PDZRN3: variants seen among roughly 807,000 people sequenced by gnomAD.
PDZRN3 encodes PDZ domain containing ring finger 3, also known as E3 ubiquitin-protein ligase PDZRN3.
PDZRN3 carries 38 observed loss-of-function variants against 85.7 expected under a neutral mutation model. The ratio of observed to expected loss-of-function variants is 0.44; its 90% CI spans 0.34 to 0.58. PDZRN3 has a LOEUF of 0.58. Among genes scored for constraint, PDZRN3 ranks in the 20% least tolerant of loss-of-function variants. PDZRN3 has a pLI of 0.01. For synonymous variants in PDZRN3, 759 were observed against 638.0 expected (o/e 1.19, Z -2.86); for missense variants, 1,629 against 1,506.4 (o/e 1.08, Z -1.35).
chr3:73,597,863 G>C (rs1342782122), intron 3 of PDZRN3, among the ~76,000 whole-genome samples: 1 of 151,760 alleles, frequency 6.6e-6, no homozygotes, highest in East Asian at 1.9e-4. Context: ...TGAGCATTTT[G>C]TCAAATGAGG....
At chr3:73,554,331 T>G (rs1002544884) in intron 3 of PDZRN3, among the ~76,000 whole-genome samples, 1 of 146,244 alleles carries the variant, frequency 6.8e-6, no homozygotes, top group African/African-American at 2.6e-5. Flanking sequence ...TATAAGAATA[T>G]CTCACAGGAT....
intron 3 of PDZRN3, among the ~76,000 whole-genome samples, chr3:73,471,508 A>G (rs559839899): frequency 6.6e-6 from 1 of 152,340 alleles, no homozygotes; most frequent in East Asian, 1.9e-4. Flanking sequence ...ATGACTGTAA[A>G]GCAAACCAAG....
intron 4 of PDZRN3, among the ~76,000 whole-genome samples, chr3:73,401,304 C>T (rs1184281532): frequency 1.3e-5 from 2 of 152,172 alleles, no homozygotes; most frequent in Non-Finnish European, 2.9e-5. Flanking sequence ...TTCAGCGTGA[C>T]TGATTTCTAA....
At chr3:73,458,598 T>C (rs951648136) in intron 3 of PDZRN3, among the ~76,000 whole-genome samples, 3 of 149,634 alleles carry the variant, frequency 2.0e-5, no homozygotes, top group Admixed American at 6.8e-5. Flanking sequence ...ATCTCTTAGA[T>C]CTCAAAGCTT....
rs560663305 is a variant in PDZRN3, at chr3:73,448,720, C to T, written c.919-44325G>A. Among the ~76,000 whole-genome samples, 51 of 152,212 alleles carry T rather than the reference C, an allele frequency of 3.4e-4. No homozygotes were observed. In the South Asian group the frequency reaches 0.01, roughly 30 times the overall value. ...ACAGAATTGTTCAGACATTGGGGTG[C>T]ATTTAGCTACTAGGGTGGGCAAGAA... is the stretch of plus-strand genomic sequence containing the variant. On this transcript the variant is annotated intron_variant, in intron 3 of 9. Coordinates refer to ENST00000263666, the MANE Select transcript of PDZRN3 (RefSeq NM_015009.3).
intron 3 of PDZRN3, among the ~76,000 whole-genome samples, chr3:73,513,774 A>G (rs74867783): frequency 0.019 from 2,863 of 152,298 alleles, 99 homozygotes; most frequent in African/African-American, 0.065. Flanking sequence ...CCACAGTTGA[A>G]TGGTAATTGG....
intron 3 of PDZRN3, among the ~76,000 whole-genome samples, chr3:73,598,511 A>T (rs1296247316): frequency 6.6e-6 from 1 of 152,192 alleles, no homozygotes; most frequent in Non-Finnish European, 1.5e-5. Flanking sequence ...ATACTGAGTA[A>T]GTCAGAACTT....
In PDZRN3 at chr3:73,624,906, T is replaced by C. The variant is rs768007894; in HGVS notation, c.-81A>G. The stretch of plus-strand genomic sequence containing the variant: ...CACGAGGCGGCCCAGACAGGCCGGC[T>C]ACGCCGCCCGCGCGCTCGCTGGCTC... On this transcript the variant is annotated 5_prime_UTR_variant, in exon 1 of 10. Coordinates refer to ENST00000263666, the MANE Select transcript of PDZRN3 (RefSeq NM_015009.3). The C allele has an allele frequency of 3.0e-4, 331 of 1,106,608 alleles. No homozygotes were observed. Among genetic ancestry groups the C allele is most frequent in the Non-Finnish European group, 3.5e-4 (308 of 872,928 alleles). The allele number at this position is 1,106,608 out of a possible 1,614,324, so 68.5% of individuals were successfully genotyped here.
At chr3:73,436,710 G>T (rs1161307324) in intron 3 of PDZRN3, among the ~76,000 whole-genome samples, 7 of 152,126 alleles carry the variant, frequency 4.6e-5, no homozygotes, top group Admixed American at 4.6e-4. Flanking sequence ...CCGAGCAGTG[G>T]TTCTCTAACA....
chr3:73,546,436 C>T (rs1010416391), intron 3 of PDZRN3, among the ~76,000 whole-genome samples: 1 of 152,158 alleles, frequency 6.6e-6, no homozygotes, highest in Non-Finnish European at 1.5e-5. Flanking sequence ...AGCTGTCTGT[C>T]CTTAGATCAT....
At chr3:73,508,845 C>CATACAAA (rs1368952653) in intron 3 of PDZRN3, among the ~76,000 whole-genome samples, 5 of 152,130 alleles carry the variant, frequency 3.3e-5, no homozygotes, top group African/African-American at 1.2e-4. Flanking sequence ...TAGCCATAAC[C>CATACAAA]AAGGCCCTCT....
chr3:73,425,801 GTTGT>G (rs1277919990), intron 3 of PDZRN3, among the ~76,000 whole-genome samples: 2 of 152,134 alleles, frequency 1.3e-5, no homozygotes, highest in African/African-American at 4.8e-5. Context: ...GACCAATGAT[GTTGT>G]TTAATTGACA....
intron 3 of PDZRN3, among the ~76,000 whole-genome samples, chr3:73,566,544 G>A (rs1390119153): frequency 6.6e-6 from 1 of 152,152 alleles, no homozygotes. Flanking sequence ...GTTCCAGTAG[G>A]ATGAATCTGG....
At chr3:73,469,677 T>A (rs1559696041) in intron 3 of PDZRN3, among the ~76,000 whole-genome samples, 1 of 152,214 alleles carries the variant, frequency 6.6e-6, no homozygotes, top group Non-Finnish European at 1.5e-5. Context: ...AATGTACTCA[T>A]CAAACGCTTA....
At chr3:73,439,523 C>T (rs1316543762) in intron 3 of PDZRN3, among the ~76,000 whole-genome samples, 1 of 152,132 alleles carries the variant, frequency 6.6e-6, no homozygotes, top group Non-Finnish European at 1.5e-5. Flanking sequence ...TGTCTGAACC[C>T]TATTTAGTGA....
intron 1 of PDZRN3, 76 bp downstream of exon 1, chr3:73,624,027 T>G: frequency 1.5e-6 from 2 of 1,326,288 alleles, no homozygotes; most frequent in Non-Finnish European, 1.9e-6. Flanking sequence ...GGCATCCCTG[T>G]ACCCAAAGGG....
At chr3:73,559,128 C>T (rs1408021413) in intron 3 of PDZRN3, among the ~76,000 whole-genome samples, 3 of 152,120 alleles carry the variant, frequency 2.0e-5, no homozygotes, top group Admixed American at 6.5e-5. Context: ...AGTGGGATGG[C>T]GGGGGTTGTC....
At chr3:73,485,839 T>G (rs543744436) in intron 3 of PDZRN3, among the ~76,000 whole-genome samples, 1 of 152,174 alleles carries the variant, frequency 6.6e-6, no homozygotes, top group African/African-American at 2.4e-5. Context: ...ATAAAGAAAT[T>G]TGGAAAAGCT....
chr3:73,539,195 C>T (rs1704856795), intron 3 of PDZRN3, among the ~76,000 whole-genome samples: 1 of 152,174 alleles, frequency 6.6e-6, no homozygotes, highest in Non-Finnish European at 1.5e-5. Flanking sequence ...CACCTCACAT[C>T]TGGGTCCTTA....
Sources: allele counts gnomAD v4.1 joint callset (sites outside exome capture counted in the v4.1 genomes callset), GRCh38; gene constraint gnomAD v4.1.1; transcripts MANE v1.5; gene names NCBI Gene and HGNC (gene_info 2026-07-23, HGNC 2026-07-21).